Variants in PPP1R1C observed in about 807,000 individuals in gnomAD.
PPP1R1C encodes the protein protein phosphatase 1 regulatory subunit 1C.
A neutral mutation model predicts 17.4 loss-of-function variants in PPP1R1C; 15 were observed. That is an observed-to-expected ratio of 0.86 (90% CI 0.58 to 1.33). PPP1R1C has a LOEUF of 1.33. Ranked by LOEUF, PPP1R1C falls within the 40% of genes most tolerant of loss-of-function variation. The pLI, the probability that PPP1R1C is intolerant of heterozygous loss-of-function variation, is 0.00. For missense variants in PPP1R1C, 143 were observed against 130.0 expected (o/e 1.10, Z -0.48); for synonymous variants, 35 against 43.1 (o/e 0.81, Z 0.73).
At chr2:182,077,754 G>A (rs957950017) in intron 4 of PPP1R1C, among the ~76,000 whole-genome samples, 2 of 152,058 alleles carry the variant, frequency 1.3e-5, no homozygotes, top group Non-Finnish European at 2.9e-5. Flanking sequence ...TTTCTTCATT[G>A]GCAATGAAAC....
At chr2:182,066,767 A>G (rs989335442) in intron 4 of PPP1R1C, among the ~76,000 whole-genome samples, 1 of 152,174 alleles carries the variant, frequency 6.6e-6, no homozygotes, top group African/African-American at 2.4e-5. Flanking sequence ...TATCAGAAAA[A>G]TGACAGCTGA....
intron 2 of PPP1R1C, among the ~76,000 whole-genome samples, chr2:182,014,460 T>C (rs1319674648): frequency 6.6e-6 from 1 of 152,078 alleles, no homozygotes; most frequent in Non-Finnish European, 1.5e-5. Context: ...AGGCGTCGTG[T>C]GGCCACCACT....
chr2:182,124,554 G>T (rs986157793), intron 5 of PPP1R1C, among the ~76,000 whole-genome samples: 1 of 151,750 alleles, frequency 6.6e-6, no homozygotes, highest in Admixed American at 6.6e-5. Flanking sequence ...CCATTTGTTT[G>T]TGTCCTCTCT....
chr2:182,021,360 G>A (rs1317390002), intron 2 of PPP1R1C, among the ~76,000 whole-genome samples: 5 of 116,588 alleles, frequency 4.3e-5, no homozygotes, highest in Non-Finnish European at 6.5e-5. Flanking sequence ...ATGGAGTCTC[G>A]CTCTGTCACC....
At chr2:181,985,669 T>A (rs1685277781), upstream of PPP1R1C, among the ~76,000 whole-genome samples, 2 of 152,164 alleles carry the variant, frequency 1.3e-5, no homozygotes, top group African/African-American at 4.8e-5. The surrounding 1 kb of genome is among the most constrained non-coding windows in gnomAD (Gnocchi z 4.1). Flanking sequence ...GAATGGCCCA[T>A]CCCTGCAATA....
Position 181,962,360 on chromosome 2 carries a change from C to A in PPP1R1C, n.111+7726C>A. On this transcript the variant is annotated intron_variant and non_coding_transcript_variant, in intron 1 of 5. Transcript: ENST00000464264. This position sits in a 1 kb window ranked among gnomAD's most constrained non-coding sequence, Gnocchi z 6.0. ...CACGGATATCCGGGAACCAGAGCCC[C>A]CGGCGCCTGCATAGACGCTGGCCAT... is the stretch of plus-strand genomic sequence containing the variant. The A allele has an allele frequency of 1.1e-6, 1 of 930,994 alleles. No homozygotes were observed. The highest frequency in any genetic ancestry group is 2.5e-5 in the East Asian group (1 of 40,572). 57.7% of individuals were successfully genotyped at this position (930,994 alleles called of 1,614,324 possible).
chr2:182,051,962 C>T (rs572665739), intron 2 of PPP1R1C, among the ~76,000 whole-genome samples: 20 of 151,224 alleles, frequency 1.3e-4, no homozygotes, highest in Admixed American at 4.0e-4. Context: ...GAGATCGCGC[C>T]GTTGCACTCC....
At chr2:182,053,623 A>T (rs1156362107) in intron 2 of PPP1R1C, among the ~76,000 whole-genome samples, 2 of 152,118 alleles carry the variant, frequency 1.3e-5, no homozygotes. Context: ...GTCTGGGCGT[A>T]GAGTTATTTT....
upstream of PPP1R1C, among the ~76,000 whole-genome samples, chr2:181,985,583 T>C (rs141984458): frequency 3.3e-3 from 498 of 152,284 alleles, no homozygotes; most frequent in Non-Finnish European, 5.3e-3. The surrounding 1 kb of genome is among the most constrained non-coding windows in gnomAD (Gnocchi z 4.1). Flanking sequence ...GACTTATAAG[T>C]TGCTGAGAGA....
intron 2 of PPP1R1C, among the ~76,000 whole-genome samples, chr2:182,037,487 T>A (rs935519196): frequency 6.6e-6 from 1 of 151,586 alleles, no homozygotes; most frequent in Non-Finnish European, 1.5e-5. Flanking sequence ...CTCGGGAGGC[T>A]GAGGCAGGAG....
intron 4 of PPP1R1C, among the ~76,000 whole-genome samples, chr2:182,069,122 A>G (rs1462787847): frequency 6.6e-6 from 1 of 152,146 alleles, no homozygotes; most frequent in Non-Finnish European, 1.5e-5. Flanking sequence ...TCAGGTATTC[A>G]TCACATTTTC....
chr2:182,016,022 T>C (rs1410083512), intron 2 of PPP1R1C, among the ~76,000 whole-genome samples: 1 of 152,120 alleles, frequency 6.6e-6, no homozygotes, highest in Admixed American at 6.5e-5. Context: ...GTGGCCTAGA[T>C]TGCCTTTCAA....
At chr2:181,964,886 A>C (rs990608194) in intron 1 of PPP1R1C, among the ~76,000 whole-genome samples, 1 of 152,116 alleles carries the variant, frequency 6.6e-6, no homozygotes, top group East Asian at 1.9e-4. Context: ...TTGTATTTTT[A>C]GTAGAGACAG....
At chr2:182,086,669 C>A (rs1480915110) in intron 4 of PPP1R1C, among the ~76,000 whole-genome samples, 1 of 152,032 alleles carries the variant, frequency 6.6e-6, no homozygotes, top group Non-Finnish European at 1.5e-5. Flanking sequence ...ACAATAGTTA[C>A]CAGTATGAGA....
At chr2:182,010,956 A>G (rs1295690042) in intron 2 of PPP1R1C, among the ~76,000 whole-genome samples, 2 of 152,172 alleles carry the variant, frequency 1.3e-5, no homozygotes, top group Non-Finnish European at 2.9e-5. Flanking sequence ...CCATTCTTGC[A>G]TCCCTGGGAT....
chr2:182,074,523 T>C (rs1019404711), intron 4 of PPP1R1C, among the ~76,000 whole-genome samples: 5 of 152,208 alleles, frequency 3.3e-5, no homozygotes, highest in African/African-American at 1.2e-4. Flanking sequence ...TCTTCCAGAA[T>C]AGATCAATTG....
intron 2 of PPP1R1C, among the ~76,000 whole-genome samples, chr2:182,042,543 T>G (rs1219105904): frequency 2.0e-5 from 3 of 152,168 alleles, no homozygotes; most frequent in Non-Finnish European, 4.4e-5. Flanking sequence ...TTCAGTCCTC[T>G]AGTGGTTGTG....
chr2:181,961,130 C>A lies in PPP1R1C; in HGVS notation n.111+6496C>A. On this transcript the variant is annotated intron_variant and non_coding_transcript_variant, in intron 1 of 5. Transcript: ENST00000464264. This position sits in a 1 kb window ranked among gnomAD's most constrained non-coding sequence, Gnocchi z 5.8. ...CAGTTTTCTTGTCTTCCTTCCCTCC[C>A]TTCCTTCCTTCCTTTCACCTCTGAA... The A allele has an allele frequency of 1.8e-6, 1 of 541,872 alleles. No homozygotes were observed. The highest frequency in any genetic ancestry group is 2.7e-5 in the Admixed American group (1 of 36,926). 33.6% of individuals were successfully genotyped at this position (541,872 alleles called of 1,614,324 possible).
chr2:182,059,561 G>A (rs1196156), intron 2 of PPP1R1C, among the ~76,000 whole-genome samples: 6,281 of 152,120 alleles, frequency 0.041, 410 homozygotes, highest in Admixed American at 0.18. Flanking sequence ...ACTATGATCT[G>A]TTATTGGCTT....
Sources: allele counts gnomAD v4.1 joint callset (sites outside exome capture counted in the v4.1 genomes callset), GRCh38; gene constraint gnomAD v4.1.1; non-coding constraint Gnocchi (gnomAD v3.1); transcripts MANE v1.5; gene names NCBI Gene and HGNC (gene_info 2026-07-23, HGNC 2026-07-21).